Variants in LZTR1 observed in about 807,000 individuals in gnomAD.
LZTR1 encodes the protein leucine-zipper-like transcriptional regulator 1.
A neutral mutation model predicts 105.7 loss-of-function variants in LZTR1; 260 were observed. That is an observed-to-expected ratio of 2.46 (90% confidence interval 2.22 to 2.72). The LOEUF (loss-of-function observed/expected upper bound fraction) is 2.72, where lower values mean the gene tolerates loss of function less well. Ranked by LOEUF, LZTR1 falls within the 30% of genes most tolerant of loss-of-function variation. The pLI, the probability that LZTR1 is intolerant of heterozygous loss-of-function variation, is 0.00. For synonymous variants in LZTR1, 490 were observed against 476.4 expected (o/e 1.03, Z -0.37); for missense variants, 1,214 against 1,166.9 (o/e 1.04, Z -0.59).
In LZTR1 at chr22:20,994,585, T is replaced by C; in HGVS notation, c.1643T>C (p.Met548Thr). ...CATGTGGAGGATGTGCTGCTCATCA[T>C]GGATGTGTACAAACTGGCACTGAGC... ...KGHVEDVLLI[M>T]DVYKLALSFQ... The change falls in exon 15 of 21, where the codon ATG (methionine) becomes ACG (threonine). Residue 548 changes from methionine (M) to threonine (T), a missense_variant. By Grantham distance (81) the Met-to-Thr change is moderately conservative (BLOSUM62 -1). Transcript: ENST00000646124. The C allele has an allele frequency of 6.2e-7, 1 of 1,611,892 alleles. No homozygotes were observed.
At chr22:20,994,800 C>T (rs1195964306) in intron 15 of LZTR1, 70 bp from the exon 16 acceptor site, 14 of 1,608,478 alleles carry the variant, frequency 8.7e-6, no homozygotes, top group African/African-American at 4.0e-5. Flanking sequence ...CTGCCCACCA[C>T]TGTGAGCCCC....
chr22:20,982,892 A>T lies in LZTR1; in HGVS notation c.201-135A>T, dbSNP rs1189630894. Reference sequence around the variant, plus strand: ...CCTCACTTGCAGGATGATTGGTGTTATCTTAGAAGATGATGGATCTTAGCA... The same window carrying T: ...CCTCACTTGCAGGATGATTGGTGTTTTCTTAGAAGATGATGGATCTTAGCA... On this transcript the variant is annotated intron_variant, in intron 1 of 20. Transcript: ENST00000646124. 14 of 723,954 alleles carry T rather than the reference A, an allele frequency of 1.9e-5. No homozygotes were observed. In the East Asian group the frequency reaches 3.1e-4, roughly 16 times the overall value. The allele number at this position is 723,954 out of a possible 1,614,324, so 44.8% of individuals were successfully genotyped here.
At chr22:20,994,818 G>A in intron 15 of LZTR1, 52 bp from the exon 16 acceptor site, 1 of 1,610,610 alleles carries the variant, frequency 6.2e-7, no homozygotes, top group South Asian at 1.1e-5. Flanking sequence ...CCCTCGCCCA[G>A]CCTGGGGCCC....
In LZTR1 at chr22:20,992,965, T is replaced by G. The variant is rs945373362; in HGVS notation, c.1260+61T>G. ...GGACGGATCCCCCGTGATGAGAAAC[T>G]GAGGCCAAGTTGGGGGGCAGGGCTT... On this transcript the variant is annotated intron_variant, in intron 11 of 20. Coordinates refer to ENST00000646124, the MANE Select transcript of LZTR1 (RefSeq NM_006767.4). 43 of 1,176,428 alleles carry G rather than the reference T, an allele frequency of 3.7e-5. No homozygotes were observed. In the Middle Eastern group the frequency reaches 9.9e-4, roughly 27 times the overall value. 72.9% of individuals were successfully genotyped at this position (1,176,428 alleles called of 1,614,324 possible).
intron 14 of LZTR1, 118 bp downstream of exon 14, chr22:20,994,387 C>A: frequency 7.6e-7 from 1 of 1,308,968 alleles, no homozygotes; most frequent in Non-Finnish European, 1.0e-6. Context: ...TCAGAGGCTG[C>A]AGGTCACCCT....
At chr22:20,995,138 G>C in intron 16 of LZTR1, 112 bp downstream of exon 16, 1 of 1,222,316 alleles carries the variant, frequency 8.2e-7, no homozygotes, top group Non-Finnish European at 1.1e-6. Context: ...GGGGGTGGGT[G>C]CCATGGGACC....
intron 1 of LZTR1, among the ~76,000 whole-genome samples, 190 bp downstream of exon 1, chr22:20,982,761 G>A (rs1924243668): frequency 6.6e-6 from 1 of 152,210 alleles, no homozygotes; most frequent in Admixed American, 6.5e-5. Flanking sequence ...CGATGTCCCG[G>A]GACAGGGTAC....
chr22:20,983,223 G>C (rs182675162), intron 2 of LZTR1, 134 bp downstream of exon 2: 41 of 760,904 alleles, frequency 5.4e-5, no homozygotes, highest in Non-Finnish European at 8.5e-5. Flanking sequence ...CCCCATCTGT[G>C]AGATTCCTTG....
At position 20,994,115 on chromosome 22, in the gene LZTR1, G is replaced by T. The variant is rs758260355; in HGVS notation, c.1461G>T (p.Gln487His). ...CCTTCTCCCCACAGAAGCTGGAGCA[G>T]GAGGCCGCCCCAGTTCCCAGGGAGG... is the stretch of plus-strand genomic sequence containing the variant. ...ARERLAQKLE[Q>H]EAAPVPREAP... The change falls in exon 14 of 21, where the codon CAG (glutamine) becomes CAT (histidine). Residue 487 changes from glutamine (Q) to histidine (H), a missense_variant. Transcript: ENST00000646124. 5 of 1,580,800 alleles carry T rather than the reference G, an allele frequency of 3.2e-6. No homozygotes were observed. Among genetic ancestry groups the T allele is most frequent in the Non-Finnish European group, 4.3e-6 (5 of 1,161,552 alleles).
At chr22:20,983,424 G>A (rs1053576338) in intron 2 of LZTR1, among the ~76,000 whole-genome samples, 2 of 152,166 alleles carry the variant, frequency 1.3e-5, no homozygotes, top group Non-Finnish European at 2.9e-5. Flanking sequence ...GTGCCTCATC[G>A]GTATGGAGGA....
Position 20,996,171 on chromosome 22 carries a change from C to T in LZTR1, c.2219+59C>T, listed in dbSNP as rs1487257850. 10 of 1,581,126 alleles carry T rather than the reference C, an allele frequency of 6.3e-6. No individual in the cohort carries two copies. The East Asian group carries it at 6.7e-5, about 11-fold the overall frequency. ...CACCAAGGGGTCCTGGCACCCACCT[C>T]AGGTGGCTTTGAGGCCCGCTCTCCT... On this transcript the variant is annotated intron_variant, in intron 18 of 20. Coordinates refer to ENST00000646124, the MANE Select transcript of LZTR1 (RefSeq NM_006767.4).
chr22:20,996,335 C>T, intron 18 of LZTR1: 1 of 606,796 alleles, frequency 1.6e-6, no homozygotes, highest in South Asian at 2.0e-5. Context: ...GGGTTCCTGA[C>T]CCTCACAACT....
intron 11 of LZTR1, chr22:20,993,354 G>A (rs1395611819): frequency 1.2e-5 from 6 of 497,608 alleles, no homozygotes; most frequent in Admixed American, 3.3e-5. Flanking sequence ...GTGTGAGGAC[G>A]CAGGTCCAGG....
rs1050019978 is a variant in LZTR1, at chr22:20,985,432, C to T, written c.264-409C>T. On this transcript the variant is annotated intron_variant, in intron 2 of 20. Coordinates refer to ENST00000646124, the MANE Select transcript of LZTR1 (RefSeq NM_006767.4). Reference sequence around the variant, plus strand: ...GAAGCAAAGGGCCTCTCCTGAGGCACGGGCAAGCACTTGCATTGCAGGGTA... The same window carrying T: ...GAAGCAAAGGGCCTCTCCTGAGGCATGGGCAAGCACTTGCATTGCAGGGTA... Among the ~76,000 whole-genome samples the T allele has an allele frequency of 5.4e-4, 80 of 149,296 alleles. 1 individual carries two copies. Among genetic ancestry groups the T allele is most frequent in the African/African-American group, 1.9e-3 (73 of 38,770 alleles).
At position 20,995,024 on chromosome 22, in the gene LZTR1, T is replaced by C. The variant is rs759404919; in HGVS notation, c.1940T>C (p.Ile647Thr). Residue 647 changes from isoleucine (I) to threonine (T), a missense_variant and splice_region_variant, in exon 16 of 21, where the codon ATT (isoleucine) becomes ACT (threonine). Coordinates refer to ENST00000646124, the MANE Select transcript of LZTR1 (RefSeq NM_006767.4). ...ACTCCCTTGGACCAGCCAGTGGACA[T>C]TGGTAGGGAGCCCCGTTCCCCTTCC... ...PRTPLDQPVD[I>T]GTSLIQDMKA... 3.7e-6 allele frequency: 6 copies of C among 1,606,430 alleles called. No individual in the cohort carries two copies. Among genetic ancestry groups the C allele is most frequent in the African/African-American group, 1.3e-5 (1 of 74,882 alleles).
At position 20,995,983 on chromosome 22, in the gene LZTR1, G is replaced by A. The variant is rs370638947; in HGVS notation, c.2090G>A (p.Arg697Gln). Residue 697 changes from arginine (R) to glutamine (Q), a missense_variant, in exon 18 of 21, where the codon CGG (arginine) becomes CAG (glutamine). Transcript: ENST00000646124. Reference protein sequence around the residue: ...ARSSYFEAMFRSFMPEDGQVN... With the variant: ...ARSSYFEAMFQSFMPEDGQVN... The stretch of plus-strand genomic sequence containing the variant: ...TGCAGCTACTTTGAAGCCATGTTCC[G>A]GTCCTTCATGCCCGAAGATGGGCAG... 3.0e-5 allele frequency: 49 copies of A among 1,613,606 alleles called. No individual in the cohort carries two copies. Among genetic ancestry groups the A allele is most frequent in the East Asian group, 1.1e-4 (5 of 44,890 alleles).
At chr22:20,991,523 G>T in intron 8 of LZTR1, 105 bp from the exon 9 acceptor site, 2 of 902,908 alleles carry the variant, frequency 2.2e-6, no homozygotes, top group South Asian at 1.6e-5. Flanking sequence ...GCTAGTCACC[G>T]TAAGGGATGC....
intron 3 of LZTR1, chr22:20,986,971 A>G (rs1164992610): frequency 6.6e-6 from 1 of 152,432 alleles, no homozygotes; most frequent in East Asian, 1.9e-4. Flanking sequence ...GGAAGACCTC[A>G]AGGTGTTGCC....
At chr22:20,991,898 G>A (rs912936525) in intron 9 of LZTR1, 69 bp downstream of exon 9, 5 of 1,410,892 alleles carry the variant, frequency 3.5e-6, no homozygotes, top group Non-Finnish European at 4.8e-6. Flanking sequence ...CTCCCACCCA[G>A]CTCCTCACAG....
Sources: allele counts gnomAD v4.1 joint callset (sites outside exome capture counted in the v4.1 genomes callset), GRCh38; gene constraint gnomAD v4.1.1; transcripts MANE v1.5; gene names NCBI Gene and HGNC (gene_info 2026-07-23, HGNC 2026-07-21).